The following PCDH15 variants were observed in gnomAD, a reference collection of about 807,000 sequenced individuals.
The protein encoded by PCDH15 is protocadherin related 15.
PCDH15 carries 129 observed loss-of-function variants against 178.5 expected under a neutral mutation model. The ratio of observed to expected loss-of-function variants is 0.72; its 90% CI spans 0.63 to 0.84. PCDH15 has a LOEUF of 0.84. PCDH15 is among the 40% of genes least tolerant of loss of function. PCDH15 has a pLI of 0.00. For synonymous variants in PCDH15, 800 were observed against 732.0 expected (o/e 1.09, Z -1.50); for missense variants, 2,230 against 2,099.9 (o/e 1.06, Z -1.21).
chr10:54,755,186 C>T (rs1283840482), intron 1 of PCDH15, among the ~76,000 whole-genome samples: 1 of 152,036 alleles, frequency 6.6e-6, no homozygotes, highest in Admixed American at 6.6e-5. Flanking sequence ...CCTGCCTCGG[C>T]CTCCCAAAAT....
chr10:54,919,645 A>AT (rs1837434222), intron 2 of PCDH15, among the ~76,000 whole-genome samples: 2 of 152,098 alleles, frequency 1.3e-5, no homozygotes, highest in South Asian at 4.1e-4. Context: ...TTTATAGTAA[A>AT]TACTAAACAA....
At chr10:55,056,300 C>T (rs1459089299) in intron 2 of PCDH15, among the ~76,000 whole-genome samples, 3 of 152,096 alleles carry the variant, frequency 2.0e-5, no homozygotes, top group Non-Finnish European at 4.4e-5. Context: ...TGTCTGATTT[C>T]ATCTCAAAAT....
intron 2 of PCDH15, among the ~76,000 whole-genome samples, chr10:55,383,945 CAT>C (rs1274394691): frequency 1.3e-5 from 2 of 151,996 alleles, no homozygotes; most frequent in South Asian, 2.1e-4. Context: ...ATGTTTTAAA[CAT>C]ATAAAATAAT....
intron 29 of PCDH15, among the ~76,000 whole-genome samples, chr10:53,833,419 A>T (rs1246738742): frequency 6.6e-6 from 1 of 152,090 alleles, no homozygotes; most frequent in Non-Finnish European, 1.5e-5. Flanking sequence ...GATCTAGACT[A>T]TCTTTCTTTA....
chr10:54,657,354 C>T (rs888301466), intron 2 of PCDH15, among the ~76,000 whole-genome samples: 1 of 152,184 alleles, frequency 6.6e-6, no homozygotes, highest in African/African-American at 2.4e-5. Context: ...ACCAGCTACA[C>T]CTGTCAGGGT....
chr10:55,030,035 A>C (rs773480600), intron 2 of PCDH15, among the ~76,000 whole-genome samples: 3 of 152,188 alleles, frequency 2.0e-5, no homozygotes, highest in African/African-American at 4.8e-5. Context: ...TTCTTTAAGA[A>C]ATTGATGGAA....
At chr10:54,914,940 G>A (rs565915788) in intron 2 of PCDH15, among the ~76,000 whole-genome samples, 1 of 152,138 alleles carries the variant, frequency 6.6e-6, no homozygotes, top group East Asian at 1.9e-4. Context: ...AAAAAGCAAA[G>A]ATACAATCTT....
At chr10:55,182,564 T>C (rs951204587) in intron 1 of PCDH15, among the ~76,000 whole-genome samples, 1 of 152,014 alleles carries the variant, frequency 6.6e-6, no homozygotes, top group African/African-American at 2.4e-5. Context: ...ATAAAGCATA[T>C]TCTAGCCTAT....
chr10:53,973,296 TGGGGGGA>T (rs1170385229), intron 21 of PCDH15, among the ~76,000 whole-genome samples: 2 of 81,406 alleles, frequency 2.5e-5, no homozygotes, highest in Admixed American at 1.6e-4. Flanking sequence ...TGTCATGGGG[TGGGGGGA>T]GGGGGGAGGG....
At chr10:54,208,534 T>C (rs577983195) in intron 10 of PCDH15, among the ~76,000 whole-genome samples, 1 of 152,088 alleles carries the variant, frequency 6.6e-6, no homozygotes, top group East Asian at 1.9e-4. Flanking sequence ...TCATCCTCTT[T>C]CCACCAAGTG....
chr10:54,885,771 G>GA (rs1954347828), intron 3 of PCDH15, among the ~76,000 whole-genome samples: 3 of 151,932 alleles, frequency 2.0e-5, no homozygotes, highest in African/African-American at 4.8e-5. Flanking sequence ...GGTTCTATGA[G>GA]AAAAAACTCT....
rs1033021055 is a variant in PCDH15 at position 54,277,809 on chromosome 10, A to G, written c.876+39462T>C. 2.0e-5 allele frequency among the ~76,000 whole-genome samples: 3 copies of G among 151,612 alleles called. No homozygotes were observed. The South Asian group carries it at 6.2e-4, about 31-fold the overall frequency. On this transcript the variant is annotated intron_variant, in intron 8 of 37. Transcript: ENST00000644397. The stretch of plus-strand genomic sequence containing the variant: ...ACTAGGTGGGGAAATTTGGAAGTAG[A>G]GGTGACCAGATTTCACAGAAGATTG...
chr10:54,872,741 A>G (rs1276952328), intron 3 of PCDH15, among the ~76,000 whole-genome samples: 1 of 152,124 alleles, frequency 6.6e-6, no homozygotes, highest in South Asian at 2.1e-4. Context: ...GGAGCCACGA[A>G]GTGTCTGTAG....
intron 2 of PCDH15, among the ~76,000 whole-genome samples, chr10:54,644,817 T>C (rs568860724): frequency 6.6e-6 from 1 of 152,158 alleles, no homozygotes; most frequent in Non-Finnish European, 1.5e-5. Flanking sequence ...GGTGATTATG[T>C]CATGAGGGCT....
intron 10 of PCDH15, among the ~76,000 whole-genome samples, chr10:54,208,684 C>T (rs934354609): frequency 1.3e-5 from 2 of 151,824 alleles, no homozygotes; most frequent in Admixed American, 6.6e-5. Context: ...GTCTTTTGTA[C>T]TTTGTTAGAG....
intron 2 of PCDH15, among the ~76,000 whole-genome samples, chr10:55,563,297 C>A (rs1842236385): frequency 6.6e-6 from 1 of 151,744 alleles, no homozygotes; most frequent in African/African-American, 2.4e-5. Context: ...TCCTTTACCC[C>A]TTTGAGAAGT....
intron 2 of PCDH15, among the ~76,000 whole-genome samples, chr10:55,533,090 T>C (rs909478644): frequency 6.6e-6 from 1 of 151,878 alleles, no homozygotes; most frequent in Admixed American, 6.6e-5. Context: ...AAATTAGTAA[T>C]AGCCATTTAT....
chr10:53,934,462 G>A (rs1033593047), intron 25 of PCDH15, among the ~76,000 whole-genome samples: 1 of 152,070 alleles, frequency 6.6e-6, no homozygotes, highest in African/African-American at 2.4e-5. Flanking sequence ...AATGACTGTG[G>A]TGGCAGGCGC....
intron 10 of PCDH15, among the ~76,000 whole-genome samples, chr10:54,208,912 T>C (rs2134057577): frequency 6.6e-6 from 1 of 152,186 alleles, no homozygotes. Flanking sequence ...TCTGGGTCAC[T>C]ATGGACCCTG....
Sources: allele counts gnomAD v4.1 joint callset (sites outside exome capture counted in the v4.1 genomes callset), GRCh38; gene constraint gnomAD v4.1.1; transcripts MANE v1.5; gene names NCBI Gene and HGNC (gene_info 2026-07-23, HGNC 2026-07-21).